ERMAP: variants seen among roughly 807,000 people sequenced by gnomAD.
ERMAP encodes erythroid membrane-associated protein.
Under a neutral mutation model 49.5 loss-of-function variants are expected in ERMAP, and 34 were observed. That is an observed-to-expected ratio of 0.69 (90% CI 0.52 to 0.91). The LOEUF (loss-of-function observed/expected upper bound fraction) is 0.91. Ranked by LOEUF, ERMAP falls within the 40% of genes least tolerant of loss-of-function variation. The probability of loss-of-function intolerance (pLI) is 0.00; values close to 1 mark genes in which losing one functional copy is unlikely to be tolerated. For missense variants in ERMAP, 541 were observed against 582.6 expected (o/e 0.93, Z 0.74); for synonymous variants, 214 against 232.2 (o/e 0.92, Z 0.71).
chr1:42,836,593 C>T (rs926026236), intron 6 of ERMAP, among the ~76,000 whole-genome samples: 17 of 152,126 alleles, frequency 1.1e-4, no homozygotes, highest in South Asian at 1.0e-3. Context: ...TGGTGGCTCA[C>T]GCCTGTAATC....
intron 2 of ERMAP, among the ~76,000 whole-genome samples, chr1:42,828,424 G>A (rs562828005): frequency 6.6e-6 from 1 of 152,110 alleles, no homozygotes; most frequent in East Asian, 1.9e-4. Flanking sequence ...CCTGTCTAAG[G>A]CCACCAGTTA....
Position 42,844,216 on chromosome 1 carries a change from C to G in ERMAP, c.*984C>G. On this transcript the variant is annotated 3_prime_UTR_variant, in exon 12 of 12. Transcript: ENST00000372517. This position sits in a 1 kb window ranked among gnomAD's most constrained non-coding sequence, Gnocchi z 4.0. ...CTCTTAGGTTGGAGAGTATTGATTT[C>G]AAATAGGAAGTTGGTAGACTAGGTG... 1 of 398,194 alleles carries G rather than the reference C, an allele frequency of 2.5e-6. No homozygotes were observed. Among genetic ancestry groups the G allele is most frequent in the Non-Finnish European group, 4.4e-6 (1 of 225,918 alleles). The allele number at this position is 398,194 out of a possible 1,614,324, so 24.7% of individuals were successfully genotyped here. A position where few individuals can be genotyped will look rare whatever the true frequency, so the allele number is the denominator to read the frequency against.
rs34600748 is a variant in ERMAP, at chr1:42,838,302, C to T, written c.617-599C>T. On this transcript the variant is annotated intron_variant, in intron 7 of 11. Coordinates refer to ENST00000372517, the MANE Select transcript of ERMAP (RefSeq NM_001017922.2). ...ACATGCCCGGCCCTTAGCACAGGGACTGGTGGTGGACTCAGGATGTGTAAC... is the reference window on the plus strand; with the variant it reads ...ACATGCCCGGCCCTTAGCACAGGGATTGGTGGTGGACTCAGGATGTGTAAC... Among the ~76,000 whole-genome samples the T allele has an allele frequency of 5.7e-3, 874 of 152,240 alleles. 10 individuals carry two copies. Among genetic ancestry groups the T allele is most frequent in the African/African-American group, 0.02 (830 of 41,534 alleles).
Position 42,825,651 on chromosome 1 carries a change from G to A in ERMAP, c.-93G>A, listed in dbSNP as rs1342134782. On this transcript the variant is annotated 5_prime_UTR_variant, in exon 2 of 12. An upstream open reading frame in the 5' UTR gains an earlier in-frame stop. Transcript: ENST00000372517. Reference sequence around the variant, plus strand: ...TTCCTGATGCGCTTGCCTGCTCCCTGGTCTCTCTGCATGGGGAAGGAGTGT... The same window carrying A: ...TTCCTGATGCGCTTGCCTGCTCCCTAGTCTCTCTGCATGGGGAAGGAGTGT... 46 of 1,289,218 alleles carry A rather than the reference G, an allele frequency of 3.6e-5. No homozygotes were observed. Among genetic ancestry groups the A allele is most frequent in the Non-Finnish European group, 4.6e-5 (45 of 988,828 alleles). 79.9% of individuals were successfully genotyped at this position (1,289,218 alleles called of 1,614,324 possible).
At chr1:42,838,600 T>C (rs891656636) in intron 7 of ERMAP, among the ~76,000 whole-genome samples, 3 of 152,236 alleles carry the variant, frequency 2.0e-5, no homozygotes, top group African/African-American at 4.8e-5. Context: ...CATACACTCA[T>C]GTACCGCAGT....
At chr1:42,829,148 C>T (rs1159927332) in intron 2 of ERMAP, among the ~76,000 whole-genome samples, 1 of 152,202 alleles carries the variant, frequency 6.6e-6, no homozygotes, top group Non-Finnish European at 1.5e-5. Flanking sequence ...GTGATCCTAA[C>T]CTCACTATGA....
At chr1:42,840,102 GC>G in intron 9 of ERMAP, 49 bp downstream of exon 9, 1 of 1,614,134 alleles carries the variant, frequency 6.2e-7, no homozygotes, top group Non-Finnish European at 8.5e-7. Context: ...ATCTCCTGTT[GC>G]CCTAATATTT....
At chr1:42,840,230 GTC>G in intron 10 of ERMAP, 38 bp from the exon 11 acceptor site, 1 of 1,614,134 alleles carries the variant, frequency 6.2e-7, no homozygotes, top group Non-Finnish European at 8.5e-7. Context: ...AGTTCTTGAT[GTC>G]TCTGGTACTT....
At chr1:42,825,437 T>A (rs1010933775) in intron 1 of ERMAP, 186 bp from the exon 2 acceptor site, 8 of 1,144,350 alleles carry the variant, frequency 7.0e-6, no homozygotes, top group Admixed American at 8.8e-5. Context: ...ACCCGGTCAG[T>A]CATACTCAGT....
intron 1 of ERMAP, among the ~76,000 whole-genome samples, chr1:42,818,891 CAG>C (rs1654324114): frequency 6.6e-6 from 1 of 152,136 alleles, no homozygotes; most frequent in Non-Finnish European, 1.5e-5. Context: ...GTAACCAAGT[CAG>C]AGTCTATTTC....
intron 1 of ERMAP, among the ~76,000 whole-genome samples, chr1:42,821,982 C>T (rs1654415587): frequency 6.7e-6 from 1 of 148,276 alleles, no homozygotes; most frequent in African/African-American, 2.5e-5. Context: ...CTTTGCACTC[C>T]AGCCTGGGCA....
chr1:42,840,398 A>G, intron 11 of ERMAP, 102 bp downstream of exon 11: 1 of 1,400,310 alleles, frequency 7.1e-7, no homozygotes, highest in East Asian at 2.3e-5. Context: ...CAGGTAATTT[A>G]AAAATTTTTA....
intron 11 of ERMAP, among the ~76,000 whole-genome samples, chr1:42,841,478 G>T (rs1655055327): frequency 6.6e-6 from 1 of 152,162 alleles, no homozygotes; most frequent in African/African-American, 2.4e-5. Flanking sequence ...GCATGCCCAT[G>T]AATACCTACT....
chr1:42,837,263 T>C lies in ERMAP; in HGVS notation c.616+73T>C. ...TATTTTTCTATGTAAATGTTGACAGTCATTATTATAAGTCTATTTTTATAA... is the reference window on the plus strand; with the variant it reads ...TATTTTTCTATGTAAATGTTGACAGCCATTATTATAAGTCTATTTTTATAA... On this transcript the variant is annotated intron_variant, in intron 7 of 11. Coordinates refer to ENST00000372517, the MANE Select transcript of ERMAP (RefSeq NM_001017922.2). 2 of 1,480,484 alleles carry C rather than the reference T, an allele frequency of 1.4e-6. 1 individual carries two copies. The highest frequency in any genetic ancestry group is 2.3e-5 in the South Asian group (2 of 86,804). The allele number at this position is 1,480,484 out of a possible 1,614,324, so 91.7% of individuals were successfully genotyped here. A position where few individuals can be genotyped will look rare whatever the true frequency, so the allele number is the denominator to read the frequency against.
chr1:42,822,477 C>T (rs569554484), intron 1 of ERMAP, among the ~76,000 whole-genome samples: 1 of 152,312 alleles, frequency 6.6e-6, no homozygotes, highest in East Asian at 1.9e-4. Flanking sequence ...AGCCACTGCA[C>T]CCAGCCCTAA....
Position 42,835,057 on chromosome 1 carries a change from C to T in ERMAP, c.453C>T (p.Leu151=), listed in dbSNP as rs942294453. The change falls in exon 5 of 12, where the codon CTC becomes CTT. Residue 151 remains leucine (L), a synonymous_variant. Coordinates refer to ENST00000372517, the MANE Select transcript of ERMAP (RefSeq NM_001017922.2). The stretch of plus-strand genomic sequence containing the variant: ...TTTCAGCCCCATCTGTGGGGAGTCT[C>T]TCCCCCTCAGCAGTGGCTCTGGCTG... The part of the protein sequence containing the change: ...LQVAAPSVGS[L]SPSAVALAVI... 3.3e-6 allele frequency: 5 copies of T among 1,496,714 alleles called. No individual in the cohort carries two copies. Among genetic ancestry groups the T allele is most frequent in the Middle Eastern group, 3.4e-4 (2 of 5,862 alleles). 92.7% of individuals were successfully genotyped at this position (1,496,714 alleles called of 1,614,324 possible). A position where few individuals can be genotyped will look rare whatever the true frequency, so the allele number is the denominator to read the frequency against.
At chr1:42,831,176 C>T (rs537375641) in intron 4 of ERMAP, 61 bp downstream of exon 4, 1 of 1,545,998 alleles carries the variant, frequency 6.5e-7, no homozygotes, top group South Asian at 1.2e-5. Flanking sequence ...TTAATCAGGA[C>T]CTACTTTGTC....
chr1:42,841,989 C>T (rs1307942587), intron 11 of ERMAP: 1 of 155,976 alleles, frequency 6.4e-6, no homozygotes, highest in Non-Finnish European at 1.4e-5. Context: ...GCTTGTGCTA[C>T]TTCATAGTAT....
intron 1 of ERMAP, 42 bp from the exon 2 acceptor site, chr1:42,825,581 A>C (rs1654518265): frequency 7.9e-7 from 1 of 1,266,002 alleles, no homozygotes; most frequent in Non-Finnish European, 1.0e-6. Flanking sequence ...CTGGCCTCTC[A>C]TATTTCATAA....
Sources: allele counts gnomAD v4.1 joint callset (sites outside exome capture counted in the v4.1 genomes callset), GRCh38; gene constraint gnomAD v4.1.1; non-coding constraint Gnocchi (gnomAD v3.1); transcripts MANE v1.5; gene names NCBI Gene and HGNC (gene_info 2026-07-23, HGNC 2026-07-21).